TSHR: variants seen among roughly 807,000 people sequenced by gnomAD.
TSHR encodes the protein thyroid stimulating hormone receptor.
In TSHR, 51 loss-of-function variants were observed where a neutral mutation model predicts 64.1. That is an observed-to-expected ratio of 0.80 (90% CI 0.64 to 1.01). The LOEUF (loss-of-function observed/expected upper bound fraction) is 1.01, where lower values mean the gene tolerates loss of function less well. TSHR is among the 50% of genes least tolerant of loss of function. The pLI is 0.00. For synonymous variants in TSHR, 361 were observed against 361.9 expected (o/e 1.00, Z 0.03); for missense variants, 877 against 942.8 (o/e 0.93, Z 0.91).
chr14:80,955,975 T>G, intron 1 of TSHR, 125 bp downstream of exon 1: 1 of 1,163,554 alleles, frequency 8.6e-7, no homozygotes, highest in East Asian at 2.4e-5. Context: ...TATGTGTGAG[T>G]GAATGTCTGT....
intron 1 of TSHR, among the ~76,000 whole-genome samples, chr14:80,961,586 G>A (rs1252219768): frequency 1.3e-5 from 2 of 152,110 alleles, no homozygotes; most frequent in Non-Finnish European, 2.9e-5. Context: ...AATAAAATTT[G>A]TTACTACTCC....
At chr14:80,998,440 G>A (rs1236143045) in intron 1 of TSHR, among the ~76,000 whole-genome samples, 1 of 151,730 alleles carries the variant, frequency 6.6e-6, no homozygotes, top group African/African-American at 2.4e-5. Flanking sequence ...ATGTTTGGTG[G>A]GTGTTACAAA....
chr14:81,059,136 A>G (rs563752246), intron 1 of TSHR, among the ~76,000 whole-genome samples: 3 of 152,272 alleles, frequency 2.0e-5, no homozygotes, highest in Admixed American at 1.3e-4. Context: ...AGGTTGAACT[A>G]TTAGGGAAAA....
chr14:81,101,929 T>C (rs1432443886), intron 7 of TSHR, among the ~76,000 whole-genome samples: 1 of 152,088 alleles, frequency 6.6e-6, no homozygotes, highest in East Asian at 1.9e-4. Flanking sequence ...CCCAGCACTT[T>C]GGGAGGCTGA....
chr14:81,010,682 A>G (rs1889856946), intron 1 of TSHR, among the ~76,000 whole-genome samples: 1 of 151,926 alleles, frequency 6.6e-6, no homozygotes, highest in African/African-American at 2.4e-5. Flanking sequence ...TTTTTGTCTT[A>G]TTGCATTCAT....
At chr14:81,044,102 A>G (rs1045877203) in intron 1 of TSHR, among the ~76,000 whole-genome samples, 2 of 152,270 alleles carry the variant, frequency 1.3e-5, no homozygotes, top group African/African-American at 4.8e-5. Flanking sequence ...TAATTAAAGT[A>G]AAGAGCTTCT....
chr14:81,113,803 T>C (rs879325227), intron 8 of TSHR, among the ~76,000 whole-genome samples: 3 of 152,140 alleles, frequency 2.0e-5, no homozygotes, highest in Admixed American at 6.5e-5. Flanking sequence ...AATTAAATCT[T>C]AAGTGTTCTG....
At position 81,145,179 on chromosome 14, in the gene TSHR, G is replaced by A. The variant is rs977733686; in HGVS notation, c.*826G>A. 8.6e-6 allele frequency: 2 copies of A among 233,126 alleles called. No homozygotes were observed. Among genetic ancestry groups the A allele is most frequent in the Non-Finnish European group, 1.7e-5 (2 of 117,962 alleles). 14.4% of individuals were successfully genotyped at this position (233,126 alleles called of 1,614,324 possible). ...CAATCCCCTGTTGATTAATAAAACAGGCTGGACACTAATTAACTATGGGAC... is the reference window on the plus strand; with the variant it reads ...CAATCCCCTGTTGATTAATAAAACAAGCTGGACACTAATTAACTATGGGAC... On this transcript the variant is annotated 3_prime_UTR_variant, in exon 10 of 10. Transcript: ENST00000298171.
At chr14:81,132,916 A>T (rs1165325853) in intron 8 of TSHR, among the ~76,000 whole-genome samples, 1 of 152,248 alleles carries the variant, frequency 6.6e-6, no homozygotes, top group Non-Finnish European at 1.5e-5. Flanking sequence ...CACACTATTT[A>T]AAAATCCTGG....
intron 1 of TSHR, among the ~76,000 whole-genome samples, chr14:80,973,882 C>T (rs1887727630): frequency 1.3e-5 from 2 of 152,140 alleles, no homozygotes; most frequent in Non-Finnish European, 2.9e-5. Context: ...CCAGAGCTTA[C>T]TTCTCAGTTA....
intron 7 of TSHR, among the ~76,000 whole-genome samples, chr14:81,098,561 T>C (rs955810807): frequency 2.0e-5 from 3 of 152,182 alleles, no homozygotes; most frequent in Non-Finnish European, 2.9e-5. Context: ...GAATGGAGTA[T>C]GGAGAGTTCT....
chr14:80,971,624 T>C (rs2139702898), intron 1 of TSHR, among the ~76,000 whole-genome samples: 1 of 152,338 alleles, frequency 6.6e-6, no homozygotes, highest in Admixed American at 6.5e-5. Flanking sequence ...GTTGGTTTTG[T>C]TTCTTACAGG....
intron 1 of TSHR, chr14:80,983,276 G>C: frequency 8.3e-7 from 1 of 1,205,278 alleles, no homozygotes; most frequent in Non-Finnish European, 1.2e-6. Context: ...CTGGATCAAA[G>C]ATACTAGGGC....
intron 1 of TSHR, among the ~76,000 whole-genome samples, chr14:81,054,746 T>C (rs1052194419): frequency 1.3e-5 from 2 of 152,156 alleles, no homozygotes; most frequent in African/African-American, 4.8e-5. Flanking sequence ...TATCTCTATA[T>C]ATCTGGTGGA....
chr14:81,048,010 G>C (rs544341182), intron 1 of TSHR, among the ~76,000 whole-genome samples: 1 of 152,210 alleles, frequency 6.6e-6, no homozygotes, highest in Non-Finnish European at 1.5e-5. Context: ...CAACATTGTA[G>C]CTAAGACCCC....
intron 3 of TSHR, among the ~76,000 whole-genome samples, chr14:81,086,882 A>G (rs866399618): frequency 2.6e-5 from 4 of 152,222 alleles, no homozygotes; most frequent in Non-Finnish European, 5.9e-5. Flanking sequence ...GCAAATTTAT[A>G]AAGAAAGAAA....
intron 1 of TSHR, among the ~76,000 whole-genome samples, chr14:80,967,124 T>TA (rs1262776772): frequency 6.7e-6 from 1 of 149,678 alleles, no homozygotes; most frequent in Admixed American, 6.7e-5. Context: ...CTGAAGAAGC[T>TA]AAAAAAGGAA....
At chr14:81,092,986 A>G (rs1275038167) in intron 6 of TSHR, among the ~76,000 whole-genome samples, 1 of 152,226 alleles carries the variant, frequency 6.6e-6, no homozygotes, top group Non-Finnish European at 1.5e-5. Flanking sequence ...TATTTATAGA[A>G]AGAGGCAGTG....
intron 1 of TSHR, among the ~76,000 whole-genome samples, chr14:81,017,492 C>A (rs1163050687): frequency 1.3e-5 from 2 of 152,114 alleles, no homozygotes; most frequent in African/African-American, 4.8e-5. Flanking sequence ...CCGCCTGGCA[C>A]TTCAGAGTCT....
Sources: allele counts gnomAD v4.1 joint callset (sites outside exome capture counted in the v4.1 genomes callset), GRCh38; gene constraint gnomAD v4.1.1; transcripts MANE v1.5; gene names NCBI Gene and HGNC (gene_info 2026-07-23, HGNC 2026-07-21).